The following NECTIN1 variants were observed in gnomAD, a reference collection of about 807,000 sequenced individuals.
NECTIN1 encodes nectin cell adhesion molecule 1, also known as nectin-1.
In NECTIN1, 23 loss-of-function variants were observed where a neutral mutation model predicts 48.0. The observed-to-expected ratio is 0.48, with a 90% CI of 0.34 to 0.68. The LOEUF is 0.68. NECTIN1 is among the 30% of genes least tolerant of loss of function. The probability of loss-of-function intolerance (pLI) is 0.01; values close to 1 mark genes in which losing one functional copy is unlikely to be tolerated. For missense variants in NECTIN1, 591 were observed against 709.9 expected (o/e 0.83, Z 1.90); for synonymous variants, 270 against 288.9 (o/e 0.93, Z 0.66).
chr11:119,719,036 GA>G (rs1264364487), intron 1 of NECTIN1, among the ~76,000 whole-genome samples: 1 of 152,230 alleles, frequency 6.6e-6, no homozygotes, highest in African/African-American at 2.4e-5. Context: ...TTCTGTGGAT[GA>G]AATAATGTTT....
At chr11:119,669,925 C>T (rs1188401701) in intron 5 of NECTIN1, among the ~76,000 whole-genome samples, 1 of 151,902 alleles carries the variant, frequency 6.6e-6, no homozygotes, top group Non-Finnish European at 1.5e-5. Context: ...CCCTTACTCT[C>T]TTTTTTTCCT....
chr11:119,678,597 G>A lies in NECTIN1; in HGVS notation c.248C>T (p.Pro83Leu). The A allele has an allele frequency of 6.2e-7, 1 of 1,614,186 alleles. No homozygotes were observed. Among genetic ancestry groups the A allele is most frequent in the Non-Finnish European group, 8.5e-7 (1 of 1,180,036 alleles). ...GSKQNVAIYN[P>L]SMGVSVLAPY... is the part of the protein sequence containing the mutation. The stretch of plus-strand genomic sequence containing the variant: ...AGCCAGCACGGACACGCCCATGGAT[G>A]GGTTGTAGATGGCCACGTTCTGCTT... The change falls in exon 2 of 6, where the codon CCA (proline) becomes CTA (leucine). Residue 83 changes from proline to leucine, a missense_variant. Pro to Leu is a moderately conservative substitution (Grantham distance 98). Coordinates refer to ENST00000264025, the MANE Select transcript of NECTIN1 (RefSeq NM_002855.5). The surrounding 1 kb of genome is among the most constrained non-coding windows in gnomAD (Gnocchi z 4.4).
Position 119,672,094 on chromosome 11 carries a change from C to A in NECTIN1, c.1003+3065G>T, listed in dbSNP as rs571289087. On this transcript the variant is annotated intron_variant, in intron 5 of 5. Coordinates refer to ENST00000264025, the MANE Select transcript of NECTIN1 (RefSeq NM_002855.5). This position sits in a 1 kb window ranked among gnomAD's most constrained non-coding sequence, Gnocchi z 4.3. Reference sequence around the variant, plus strand: ...ATTCTGGGTCTGAAGAACTCCAGGACTGATGGGCAGACTGTGACCCTCACC... The same window carrying A: ...ATTCTGGGTCTGAAGAACTCCAGGAATGATGGGCAGACTGTGACCCTCACC... 3.3e-5 allele frequency among the ~76,000 whole-genome samples: 5 copies of A among 152,272 alleles called. No individual in the cohort carries two copies. The highest frequency in any genetic ancestry group is 6.5e-5 in the Admixed American group (1 of 15,292).
chr11:119,696,308 G>T lies in NECTIN1; in HGVS notation c.80-17543C>A, dbSNP rs560906741. Among the ~76,000 whole-genome samples, 77 of 152,304 alleles carry T rather than the reference G, an allele frequency of 5.1e-4. 1 individual carries two copies. Among genetic ancestry groups the T allele is most frequent in the African/African-American group, 1.8e-3 (73 of 41,562 alleles). On this transcript the variant is annotated intron_variant, in intron 1 of 5. Coordinates refer to ENST00000264025, the MANE Select transcript of NECTIN1 (RefSeq NM_002855.5). ...CCCCGCACAGTGCTCAGCGACTCAG[G>T]CTGCCTAGAGTAAGGTGAGGATGGG...
At chr11:119,651,988 G>A (rs1864498159) in intron 5 of NECTIN1, among the ~76,000 whole-genome samples, 1 of 152,074 alleles carries the variant, frequency 6.6e-6, no homozygotes, top group Non-Finnish European at 1.5e-5. Flanking sequence ...GGCAGAGCTG[G>A]TTGCAGAGCC....
intron 1 of NECTIN1, among the ~76,000 whole-genome samples, chr11:119,687,873 G>A (rs931882156): frequency 6.6e-6 from 1 of 152,216 alleles, no homozygotes; most frequent in Non-Finnish European, 1.5e-5. Context: ...ATGGGCAGCT[G>A]CCTGCTCGGA....
rs1034565800 is a variant in NECTIN1, at chr11:119,672,886, C to A, written c.1003+2273G>T. ...GCCAAAGCGAGTCTGCGCAGGTGTGCAGTGGCCCAGCACACACGTGTTCTG... is the reference window on the plus strand; with the variant it reads ...GCCAAAGCGAGTCTGCGCAGGTGTGAAGTGGCCCAGCACACACGTGTTCTG... On this transcript the variant is annotated intron_variant, in intron 5 of 5. Transcript: ENST00000264025. This position sits in a 1 kb window ranked among gnomAD's most constrained non-coding sequence, Gnocchi z 4.3. Among the ~76,000 whole-genome samples the A allele has an allele frequency of 6.6e-6, 1 of 152,238 alleles. No individual in the cohort carries two copies. The highest frequency in any genetic ancestry group is 2.4e-5 in the African/African-American group (1 of 41,464).
At position 119,709,380 on chromosome 11, in the gene NECTIN1, C is replaced by T. The variant is rs1185067402; in HGVS notation, c.79+19095G>A. On this transcript the variant is annotated intron_variant, in intron 1 of 5. Coordinates refer to ENST00000264025, the MANE Select transcript of NECTIN1 (RefSeq NM_002855.5). This position sits in a 1 kb window ranked among gnomAD's most constrained non-coding sequence, Gnocchi z 4.1. ...GGCGCCTCTGTCTGCCACGCACTTG[C>T]CTGGGCCACTCTGCTACCTGGGGCC... 6.6e-6 allele frequency among the ~76,000 whole-genome samples: 1 copy of T among 152,150 alleles called. No homozygotes were observed. Among genetic ancestry groups the T allele is most frequent in the Non-Finnish European group, 1.5e-5 (1 of 67,996 alleles).
Position 119,719,308 on chromosome 11 carries a change from A to C in NECTIN1, c.79+9167T>G, listed in dbSNP as rs116995221. 3.3e-3 allele frequency among the ~76,000 whole-genome samples: 498 copies of C among 152,304 alleles called. 6 individuals carry two copies. Among genetic ancestry groups the C allele is most frequent in the East Asian group, 0.019 (101 of 5,186 alleles). On this transcript the variant is annotated intron_variant, in intron 1 of 5. Transcript: ENST00000264025. Reference sequence around the variant, plus strand: ...AGGGGTGGGAAGAGATTCTGGAAGCAAAGTCTTGTGAGGACTCCAGGCTTA... The same window carrying C: ...AGGGGTGGGAAGAGATTCTGGAAGCCAAGTCTTGTGAGGACTCCAGGCTTA...
In NECTIN1 at chr11:119,661,374, G is replaced by A. The variant is rs1351284497; in HGVS notation, c.*3373C>T. The A allele has an allele frequency of 1.0e-6, 1 of 986,524 alleles. No homozygotes were observed. Among genetic ancestry groups the A allele is most frequent in the South Asian group, 4.7e-5 (1 of 21,300 alleles). 61.1% of individuals were successfully genotyped at this position (986,524 alleles called of 1,614,324 possible). Reference sequence around the variant, plus strand: ...TGTTGGCAGCAGTGGCAGCAGCAGAGGGGCCTGCCTCCTGGCATCCCCGGT... The same window carrying A: ...TGTTGGCAGCAGTGGCAGCAGCAGAAGGGCCTGCCTCCTGGCATCCCCGGT... On this transcript the variant is annotated 3_prime_UTR_variant, in exon 6 of 6. Coordinates refer to ENST00000264025, the MANE Select transcript of NECTIN1 (RefSeq NM_002855.5).
rs1864955952 is a variant in NECTIN1 at position 119,676,681 on chromosome 11, G to A, written c.851+421C>T. 3 of 264,656 alleles carry A rather than the reference G, an allele frequency of 1.1e-5. No individual in the cohort carries two copies. The Admixed American group carries it at 1.4e-4, about 13-fold the overall frequency. 16.4% of individuals were successfully genotyped at this position (264,656 alleles called of 1,614,324 possible). On this transcript the variant is annotated intron_variant, in intron 4 of 5. Transcript: ENST00000264025. ...CTGCTGCCTCCTCCCCAAGAATCTG[G>A]GGGTGCCAGAGAGAAGGAATAGGGA...
chr11:119,670,421 G>A (rs1374735000), intron 5 of NECTIN1, among the ~76,000 whole-genome samples: 2 of 152,136 alleles, frequency 1.3e-5, no homozygotes, highest in East Asian at 3.9e-4. Flanking sequence ...TCTGTTGGAC[G>A]ACAGAATGAA....
Position 119,665,351 on chromosome 11 carries a change from T to C in NECTIN1, c.1004-54A>G. The C allele has an allele frequency of 6.6e-6, 10 of 1,504,790 alleles. No individual in the cohort carries two copies. The highest frequency in any genetic ancestry group is 8.9e-6 in the Non-Finnish European group (10 of 1,129,556). 93.2% of individuals were successfully genotyped at this position (1,504,790 alleles called of 1,614,324 possible). ...AGCATCAGCGTGTGCTCCTGGGGTGTAGAGGGGGTGGGAGGGAGGCAGGGA... is the reference window on the plus strand; with the variant it reads ...AGCATCAGCGTGTGCTCCTGGGGTGCAGAGGGGGTGGGAGGGAGGCAGGGA... On this transcript the variant is annotated intron_variant, in intron 5 of 5. Coordinates refer to ENST00000264025, the MANE Select transcript of NECTIN1 (RefSeq NM_002855.5). The surrounding 1 kb of genome is among the most constrained non-coding windows in gnomAD (Gnocchi z 5.1).
intron 1 of NECTIN1, among the ~76,000 whole-genome samples, chr11:119,725,789 T>C (rs1672712418): frequency 6.6e-6 from 1 of 152,144 alleles, no homozygotes; most frequent in Non-Finnish European, 1.5e-5. Context: ...TGTGTTCTCT[T>C]TCCAGACAAA....
chr11:119,721,049 G>A (rs1046480611), intron 1 of NECTIN1, among the ~76,000 whole-genome samples: 2 of 152,198 alleles, frequency 1.3e-5, no homozygotes, highest in African/African-American at 4.8e-5. Context: ...TCAGGCCAAG[G>A]CTGTTGCGAG....
In NECTIN1 at chr11:119,678,652, C is replaced by T. The variant is rs368373192; in HGVS notation, c.193G>A (p.Val65Ile). ...NPLPSVKITQVTWQKSTNGSK... is the reference protein window; with the variant it reads ...NPLPSVKITQITWQKSTNGSK... ...CCATTGGTGGACTTCTGCCATGTGA[C>T]CTGGGTGATCTTCACGCTGGGAAGC... is the stretch of plus-strand genomic sequence containing the variant. The change falls in exon 2 of 6, where the codon GTC becomes ATC. Residue 65 changes from valine to isoleucine, a missense_variant. Val to Ile is a conservative substitution (Grantham distance 29). Coordinates refer to ENST00000264025, the MANE Select transcript of NECTIN1 (RefSeq NM_002855.5). The surrounding 1 kb of genome is among the most constrained non-coding windows in gnomAD (Gnocchi z 4.4). 1.9e-6 allele frequency: 3 copies of T among 1,614,100 alleles called. No homozygotes were observed. Among genetic ancestry groups the T allele is most frequent in the Non-Finnish European group, 2.5e-6 (3 of 1,180,020 alleles).
intron 5 of NECTIN1, among the ~76,000 whole-genome samples, chr11:119,674,180 C>G (rs1767382700): frequency 6.6e-6 from 1 of 152,194 alleles, no homozygotes; most frequent in Non-Finnish European, 1.5e-5. Flanking sequence ...GACCAGTCTT[C>G]TGTGTCCCTG....
chr11:119,639,280 A>C (rs1291382488), intron 6 of NECTIN1, among the ~76,000 whole-genome samples: 2 of 152,196 alleles, frequency 1.3e-5, no homozygotes, highest in Non-Finnish European at 2.9e-5. Flanking sequence ...TAAAGACAGG[A>C]TCCATCACAG....
chr11:119,668,089 G>A (rs1591451188), intron 5 of NECTIN1, among the ~76,000 whole-genome samples: 1 of 152,076 alleles, frequency 6.6e-6, no homozygotes. Flanking sequence ...TCACATAACT[G>A]ATATCTAGGT....
Sources: gnomAD v4.1 joint callset for allele counts (sites outside exome capture counted in the v4.1 genomes callset) on GRCh38, gnomAD v4.1.1 for gene constraint, Gnocchi (gnomAD v3.1) non-coding constraint, MANE v1.5 for transcripts, NCBI Gene and HGNC (gene_info 2026-07-23, HGNC 2026-07-21) for gene names.